Variants in RBFOX2 observed in about 807,000 individuals in gnomAD.
RBFOX2 encodes the protein RNA binding protein fox-1 homolog 2.
In RBFOX2, 10 loss-of-function variants were observed where a neutral mutation model predicts 49.1. That is an observed-to-expected ratio of 0.20 (90% CI 0.13 to 0.35). The LOEUF (loss-of-function observed/expected upper bound fraction) is 0.35, where lower values mean the gene tolerates loss of function less well. Ranked by LOEUF, RBFOX2 falls within the 10% of genes least tolerant of loss-of-function variation. The pLI is 1.00. For missense variants in RBFOX2, 323 were observed against 486.9 expected (o/e 0.66, Z 3.17); for synonymous variants, 183 against 187.4 (o/e 0.98, Z 0.19).
chr22:35,906,222 T>C (rs1169905861), intron 1 of RBFOX2, among the ~76,000 whole-genome samples: 1 of 152,162 alleles, frequency 6.6e-6, no homozygotes, highest in Non-Finnish European at 1.5e-5. Context: ...GGAGGAATTA[T>C]ACACAAGAAG....
At chr22:35,780,833 C>T (rs534435302) in intron 3 of RBFOX2, among the ~76,000 whole-genome samples, 4 of 152,298 alleles carry the variant, frequency 2.6e-5, no homozygotes, top group African/African-American at 9.6e-5. Context: ...AAAATCTATA[C>T]TCTTTCCACT....
intron 1 of RBFOX2, among the ~76,000 whole-genome samples, chr22:35,834,889 C>G (rs1957375342): frequency 6.6e-6 from 1 of 152,098 alleles, no homozygotes; most frequent in East Asian, 1.9e-4. Flanking sequence ...CAAAATCAGA[C>G]TTGCATTTTA....
intron 1 of RBFOX2, among the ~76,000 whole-genome samples, chr22:35,926,794 A>T (rs970138330): frequency 7.2e-5 from 11 of 152,206 alleles, no homozygotes; most frequent in African/African-American, 2.7e-4. Flanking sequence ...CACTCCCAGG[A>T]CCCACAAAAA....
intron 1 of RBFOX2, among the ~76,000 whole-genome samples, chr22:35,853,516 T>C (rs2042173975): frequency 6.6e-6 from 1 of 152,238 alleles, no homozygotes; most frequent in Non-Finnish European, 1.5e-5. Flanking sequence ...TTTTATTAAG[T>C]CACATATAAG....
At chr22:36,004,402 C>T (rs576998436) in intron 1 of RBFOX2, among the ~76,000 whole-genome samples, 24 of 152,308 alleles carry the variant, frequency 1.6e-4, no homozygotes, top group Admixed American at 2.6e-4. Context: ...TTTTCTCCCA[C>T]GCCCTTATTC....
At chr22:35,931,762 G>A (rs1319654201) in intron 1 of RBFOX2, among the ~76,000 whole-genome samples, 1 of 152,126 alleles carries the variant, frequency 6.6e-6, no homozygotes, top group Non-Finnish European at 1.5e-5. Flanking sequence ...GTGACAAAGT[G>A]AGACTCCATC....
At chr22:36,007,390 T>C (rs2058659212) in intron 1 of RBFOX2, among the ~76,000 whole-genome samples, 1 of 152,134 alleles carries the variant, frequency 6.6e-6, no homozygotes, top group Non-Finnish European at 1.5e-5. Flanking sequence ...AGTACTATTT[T>C]TTATTTGTGG....
At chr22:36,002,335 A>C (rs536770013) in intron 1 of RBFOX2, among the ~76,000 whole-genome samples, 2 of 152,350 alleles carry the variant, frequency 1.3e-5, no homozygotes, top group East Asian at 3.9e-4. Context: ...AAAGACTGGA[A>C]ACGACCTAAA....
chr22:35,967,041 T>A (rs1453876734), intron 1 of RBFOX2, among the ~76,000 whole-genome samples: 3 of 152,190 alleles, frequency 2.0e-5, no homozygotes, highest in Admixed American at 2.0e-4. Flanking sequence ...AGGCTGATCT[T>A]TAACTCCTGG....
exon 1 of RBFOX2, chr22:35,840,305 C>CA: frequency 6.2e-7 from 1 of 1,613,142 alleles, no homozygotes; most frequent in African/African-American, 1.3e-5. Flanking sequence ...CCTCCCCCCC[C>CA]AATCTAGCTA....
chr22:35,991,154 G>C (rs542134632), intron 1 of RBFOX2, among the ~76,000 whole-genome samples: 1 of 152,100 alleles, frequency 6.6e-6, no homozygotes, highest in South Asian at 2.1e-4. Context: ...GGGAGATAGA[G>C]GATGTAAAGT....
intron 1 of RBFOX2, among the ~76,000 whole-genome samples, chr22:36,024,447 T>A (rs1262834647): frequency 2.0e-5 from 3 of 152,096 alleles, no homozygotes; most frequent in Non-Finnish European, 4.4e-5. Context: ...TTAGAAAACG[T>A]GTTAAGAAAA....
chr22:35,743,905 G>A (rs534289647), exon 12 of RBFOX2: 8 of 313,994 alleles, frequency 2.5e-5, no homozygotes, highest in Admixed American at 1.0e-4. Context: ...AGCTAAGCAC[G>A]GACATACAGA....
intron 1 of RBFOX2, chr22:35,996,233 G>A (rs1418932824): frequency 1.3e-5 from 2 of 152,094 alleles, no homozygotes; most frequent in African/African-American, 4.8e-5. Context: ...AATCTACTAT[G>A]GGGGATACCA....
chr22:35,856,082 G>T (rs1477095691), intron 1 of RBFOX2, among the ~76,000 whole-genome samples: 1 of 151,948 alleles, frequency 6.6e-6, no homozygotes, highest in East Asian at 1.9e-4. Flanking sequence ...ATGATATCAG[G>T]GAGAAACAGA....
rs566472003 is a variant in RBFOX2 at position 36,017,557 on chromosome 22, C to G, written c.186+10683G>C. On this transcript the variant is annotated intron_variant, in intron 1 of 13. Coordinates refer to the RBFOX2 transcript ENST00000438146. ...AAAAAATAAAAAATAAAAAATAAAGCTATAGTATCCGATGAAATTCACTGG... is the reference window on the plus strand; with the variant it reads ...AAAAAATAAAAAATAAAAAATAAAGGTATAGTATCCGATGAAATTCACTGG... 2.7e-4 allele frequency among the ~76,000 whole-genome samples: 41 copies of G among 152,090 alleles called. No homozygotes were observed. The South Asian group carries it at 8.5e-3, about 32-fold the overall frequency.
chr22:35,751,514 G>A (rs1032272818), intron 9 of RBFOX2, among the ~76,000 whole-genome samples: 1 of 152,086 alleles, frequency 6.6e-6, no homozygotes, highest in African/African-American at 2.4e-5. Context: ...TGGGCCTCCA[G>A]GAATCACTTT....
intron 2 of RBFOX2, among the ~76,000 whole-genome samples, chr22:35,805,697 A>T (rs1177954624): frequency 6.6e-6 from 1 of 152,214 alleles, no homozygotes. Flanking sequence ...AGCTTTATTC[A>T]TAACTGCCAA....
At chr22:35,813,900 A>C (rs1286439098) in intron 1 of RBFOX2, among the ~76,000 whole-genome samples, 2 of 152,222 alleles carry the variant, frequency 1.3e-5, no homozygotes, top group Non-Finnish European at 2.9e-5. Flanking sequence ...ACTGGAGTGC[A>C]GGGATGGGAA....
Sources: allele counts gnomAD v4.1 joint callset (sites outside exome capture counted in the v4.1 genomes callset), GRCh38; gene constraint gnomAD v4.1.1; transcripts MANE v1.5; gene names NCBI Gene and HGNC (gene_info 2026-07-23, HGNC 2026-07-21).